The following SVOPL variants were observed in gnomAD, a reference collection of about 807,000 sequenced individuals.
SVOPL encodes SVOP like, also known as putative transporter SVOPL.
Under a neutral mutation model 61.0 loss-of-function variants are expected in SVOPL, and 60 were observed. That is an observed-to-expected ratio of 0.98 (90% CI 0.80 to 1.22). The LOEUF is 1.22. SVOPL is among the 50% of genes most tolerant of loss of function. The pLI is 0.00. For missense variants in SVOPL, 662 were observed against 643.9 expected (o/e 1.03, Z -0.30); for synonymous variants, 279 against 250.0 (o/e 1.12, Z -1.09).
chr7:138,638,581 G>A (rs1026596657), intron 9 of SVOPL, among the ~76,000 whole-genome samples: 1 of 151,766 alleles, frequency 6.6e-6, no homozygotes, highest in Admixed American at 6.6e-5. Context: ...GTGACAGGGT[G>A]AGACCCCATC....
chr7:138,677,514 T>C (rs1042401794), intron 3 of SVOPL, among the ~76,000 whole-genome samples: 8 of 152,142 alleles, frequency 5.3e-5, no homozygotes, highest in African/African-American at 9.7e-5. Flanking sequence ...CATGTTTCTT[T>C]GCCGTATTTT....
rs745898711 is a variant in SVOPL at position 138,628,145 on chromosome 7, G to C, written c.1069+13C>G. The C allele has an allele frequency of 1.2e-6, 2 of 1,614,096 alleles. No homozygotes were observed. The highest frequency in any genetic ancestry group is 1.3e-5 in the African/African-American group (1 of 75,018). Reference sequence around the variant, plus strand: ...CCAAGACAGAGAGACCCAACACGCAGAGGGACACTTACAAGCAATTTCACC... The same window carrying C: ...CCAAGACAGAGAGACCCAACACGCACAGGGACACTTACAAGCAATTTCACC... On this transcript the variant is annotated intron_variant, in intron 11 of 15. Coordinates refer to ENST00000674285, the MANE Select transcript of SVOPL (RefSeq NM_001139456.2).
intron 9 of SVOPL, among the ~76,000 whole-genome samples, chr7:138,630,965 A>C (rs922076424): frequency 1.3e-5 from 2 of 151,626 alleles, no homozygotes; most frequent in Admixed American, 6.6e-5. Context: ...AAAAAAAAAA[A>C]AAAAGCAAGG....
chr7:138,650,489 AG>A (rs1801369380), intron 7 of SVOPL, among the ~76,000 whole-genome samples: 1 of 151,642 alleles, frequency 6.6e-6, no homozygotes, highest in South Asian at 2.1e-4. Flanking sequence ...CTAGGTCTGA[AG>A]GTTAAGGAGG....
chr7:138,610,402 T>TAC lies in SVOPL; in HGVS notation c.1353+10642_1353+10643dup, dbSNP rs565820167. 1.1e-3 allele frequency among the ~76,000 whole-genome samples: 164 copies of TAC among 152,174 alleles called. 3 individuals are homozygous for TAC. Among genetic ancestry groups the TAC allele is most frequent in the Non-Finnish European group, 1.0e-4 (7 of 68,004 alleles). On this transcript the variant is annotated intron_variant, in intron 14 of 15. Transcript: ENST00000674285. Reference sequence around the variant, plus strand: ...CACTAACAATGTATATGCATATTTATACACACACACATAGAAAAATATATT... The same window carrying TAC: ...CACTAACAATGTATATGCATATTTATACACACACACACATAGAAAAATATATT...
intron 14 of SVOPL, among the ~76,000 whole-genome samples, chr7:138,609,776 A>G (rs1007207518): frequency 4.6e-5 from 7 of 151,804 alleles, no homozygotes; most frequent in African/African-American, 1.7e-4. Flanking sequence ...TCTGCTGCCC[A>G]GGATGGAATG....
intron 4 of SVOPL, among the ~76,000 whole-genome samples, chr7:138,669,635 T>C (rs1177866647): frequency 6.6e-6 from 1 of 152,136 alleles, no homozygotes; most frequent in African/African-American, 2.4e-5. Context: ...CACCTTCCTG[T>C]AATGCGTGCC....
intron 7 of SVOPL, among the ~76,000 whole-genome samples, chr7:138,652,266 G>T (rs1801477990): frequency 6.6e-6 from 1 of 152,000 alleles, no homozygotes; most frequent in African/African-American, 2.4e-5. Flanking sequence ...TGGCCAAACT[G>T]GTCTCAGACT....
chr7:138,692,764 G>A (rs1802971122), intron 1 of SVOPL, among the ~76,000 whole-genome samples: 1 of 152,114 alleles, frequency 6.6e-6, no homozygotes, highest in Admixed American at 6.6e-5. Flanking sequence ...AAAAGGGGCT[G>A]TTTATTCATT....
chr7:138,650,977 G>A (rs565874085), intron 7 of SVOPL, among the ~76,000 whole-genome samples: 396 of 150,548 alleles, frequency 2.6e-3, no homozygotes, highest in Non-Finnish European at 3.9e-3. Flanking sequence ...GTGTAGATGG[G>A]ACAGGGCACC....
chr7:138,684,409 A>C (rs1802761444), intron 1 of SVOPL, among the ~76,000 whole-genome samples: 1 of 151,958 alleles, frequency 6.6e-6, no homozygotes, highest in African/African-American at 2.4e-5. Context: ...ACTTGAGCAA[A>C]ACTCAAAAAA....
At chr7:138,621,004 T>G in intron 14 of SVOPL, 42 bp downstream of exon 14, 1 of 1,583,532 alleles carries the variant, frequency 6.3e-7, no homozygotes, top group East Asian at 2.3e-5. Flanking sequence ...TCTTACCCCC[T>G]CTCTCAGACT....
intron 14 of SVOPL, among the ~76,000 whole-genome samples, chr7:138,601,231 G>A (rs71541397): frequency 0.12 from 15,708 of 134,262 alleles, 967 homozygotes; most frequent in Middle Eastern, 0.21. Flanking sequence ...TAGCCTGGGC[G>A]ACAGAGCGAG....
chr7:138,598,846 A>T (rs1055510517), intron 14 of SVOPL, among the ~76,000 whole-genome samples: 1 of 152,208 alleles, frequency 6.6e-6, no homozygotes, highest in South Asian at 2.1e-4. Context: ...TAAGTACATT[A>T]AAAAATCTAC....
At chr7:138,606,552 CCCAAGGAG>C (rs1798766102) in intron 14 of SVOPL, among the ~76,000 whole-genome samples, 1 of 152,094 alleles carries the variant, frequency 6.6e-6, no homozygotes, top group Non-Finnish European at 1.5e-5. Flanking sequence ...GAAATTTTTT[CCCAAGGAG>C]CCCGCTCATT....
intron 1 of SVOPL, among the ~76,000 whole-genome samples, chr7:138,684,227 C>T (rs1464795188): frequency 1.4e-5 from 2 of 147,746 alleles, no homozygotes; most frequent in African/African-American, 5.0e-5. Context: ...TAGCAGGGCA[C>T]GATGGTGGGT....
intron 1 of SVOPL, among the ~76,000 whole-genome samples, chr7:138,699,115 G>A (rs1233026896): frequency 1.3e-5 from 2 of 152,132 alleles, no homozygotes; most frequent in Non-Finnish European, 2.9e-5. Context: ...TCATGCCACT[G>A]CACTCCAGCC....
At chr7:138,661,238 T>G (rs1395121620) in intron 5 of SVOPL, 1 of 985,294 alleles carries the variant, frequency 1.0e-6, no homozygotes, top group African/African-American at 1.7e-5. Flanking sequence ...AAGACATAAT[T>G]TATGTCTTGA....
intron 14 of SVOPL, among the ~76,000 whole-genome samples, chr7:138,612,436 T>TAAAAAAAAAATAAAAAAAAAAAAA (rs1799088038): frequency 5.6e-5 from 1 of 17,856 alleles, no homozygotes; most frequent in Non-Finnish European, 1.1e-4. Context: ...AAATAAAAAA[T>TAAAAAAAAAATAAAAAAAAAAAAA]AAAAAAAAAA....
Sources: allele counts gnomAD v4.1 joint callset (sites outside exome capture counted in the v4.1 genomes callset), GRCh38; gene constraint gnomAD v4.1.1; transcripts MANE v1.5; gene names NCBI Gene and HGNC (gene_info 2026-07-23, HGNC 2026-07-21).